Variants in ERC2 observed in about 807,000 individuals in gnomAD.
The protein encoded by ERC2 is ELKS/RAB6-interacting/CAST family member 2.
A neutral mutation model predicts 114.8 loss-of-function variants in ERC2; 42 were observed. The ratio of observed to expected loss-of-function variants is 0.37; its 90% CI spans 0.29 to 0.47. The LOEUF (loss-of-function observed/expected upper bound fraction) is 0.47. ERC2 is among the 20% of genes least tolerant of loss of function. ERC2 has a pLI of 0.99. For missense variants in ERC2, 939 were observed against 1,150.7 expected, an observed-to-expected ratio of 0.82 and a Z score of 2.66; for synonymous variants, 454 against 425.5, an observed-to-expected ratio of 1.07 and a Z score of -0.82.
chr3:55,849,416 T>C (rs2149236905), intron 14 of ERC2, among the ~76,000 whole-genome samples: 1 of 152,350 alleles, frequency 6.6e-6, no homozygotes, highest in South Asian at 2.1e-4. Context: ...CTGTGGTTTC[T>C]CTAAGCTTCT....
In ERC2 at chr3:55,509,873, T is replaced by C. The variant is rs2051967729; in HGVS notation, c.*1443A>G. On this transcript the variant is annotated 3_prime_UTR_variant, in exon 18 of 18. Transcript: ENST00000288221. ...AGGCCACTCATGCTTAAATTCACTG[T>C]TTGTCCTTTAAAAATGCAGGTTTTC... 1 of 152,622 alleles carries C rather than the reference T, an allele frequency of 6.6e-6. No individual in the cohort carries two copies. The highest frequency in any genetic ancestry group is 2.1e-4 in the South Asian group (1 of 4,828). 9.5% of individuals were successfully genotyped at this position (152,622 alleles called of 1,614,324 possible).
intron 17 of ERC2, among the ~76,000 whole-genome samples, chr3:55,553,030 T>G (rs1032494024): frequency 8.9e-6 from 1 of 112,010 alleles, no homozygotes; most frequent in African/African-American, 3.5e-5. Context: ...TTTTTTTTTT[T>G]TTTTTTTTTG....
intron 15 of ERC2, among the ~76,000 whole-genome samples, chr3:55,700,653 C>T (rs815444): frequency 0.26 from 39,412 of 151,998 alleles, 5,745 homozygotes; most frequent in Non-Finnish European, 0.34. Context: ...GCCTCCCTAG[C>T]CCCCTTTCTT....
At position 56,416,699 on chromosome 3, in the gene ERC2, T is replaced by C. The variant is rs1262216166; in HGVS notation, c.657+17652A>G. ...AAAAAAAACTCCTGATCTCTCTCTC[T>C]AAACTGAAACTGTTTTACCCTTGGT... On this transcript the variant is annotated intron_variant, in intron 2 of 17. Transcript: ENST00000288221. 8.7e-5 allele frequency among the ~76,000 whole-genome samples: 13 copies of C among 148,778 alleles called. No homozygotes were observed. In the East Asian group the frequency reaches 1.8e-3, roughly 21 times the overall value.
At chr3:56,071,679 T>C (rs75579733) in intron 7 of ERC2, among the ~76,000 whole-genome samples, 1 of 152,200 alleles carries the variant, frequency 6.6e-6, no homozygotes, top group Non-Finnish European at 1.5e-5. Context: ...GTAACTTTCC[T>C]AGCTTTGGTT....
intron 12 of ERC2, among the ~76,000 whole-genome samples, chr3:55,951,510 A>G (rs1018670198): frequency 1.3e-5 from 2 of 152,342 alleles, no homozygotes; most frequent in Non-Finnish European, 2.9e-5. Flanking sequence ...AATGGGAATT[A>G]TAAGCTTAAT....
At chr3:56,147,358 T>C (rs1296516015) in intron 5 of ERC2, among the ~76,000 whole-genome samples, 2 of 152,284 alleles carry the variant, frequency 1.3e-5, no homozygotes, top group Admixed American at 1.3e-4. Flanking sequence ...TCCCCTCATA[T>C]CTCCACTCCT....
At chr3:56,389,864 G>A (rs1560730906) in intron 2 of ERC2, among the ~76,000 whole-genome samples, 2 of 152,256 alleles carry the variant, frequency 1.3e-5, no homozygotes, top group East Asian at 3.9e-4. Context: ...ACTAGGAAGG[G>A]TAGGCCCATC....
intron 2 of ERC2, among the ~76,000 whole-genome samples, chr3:56,420,143 C>T (rs527989104): frequency 4.7e-4 from 70 of 149,470 alleles, no homozygotes; most frequent in South Asian, 4.2e-4. Flanking sequence ...TATGTACTCA[C>T]GAGCCAATCG....
At chr3:55,802,171 A>G (rs2149103535) in intron 14 of ERC2, among the ~76,000 whole-genome samples, 1 of 152,378 alleles carries the variant, frequency 6.6e-6, no homozygotes, top group East Asian at 1.9e-4. Flanking sequence ...AGGTAAATGT[A>G]CTCAATTACA....
intron 6 of ERC2, among the ~76,000 whole-genome samples, chr3:56,102,961 C>A (rs1037287793): frequency 5.9e-5 from 9 of 152,050 alleles, no homozygotes; most frequent in African/African-American, 1.9e-4. Context: ...AGGAAGCAAA[C>A]AATGGTAAAT....
chr3:56,337,628 T>A (rs2150479999), intron 2 of ERC2, among the ~76,000 whole-genome samples: 1 of 152,304 alleles, frequency 6.6e-6, no homozygotes, highest in African/African-American at 2.4e-5. Context: ...GGGGATTAGA[T>A]GAGGTACAGA....
intron 4 of ERC2, among the ~76,000 whole-genome samples, chr3:56,168,764 C>G (rs528924205): frequency 1.1e-4 from 17 of 152,324 alleles, no homozygotes; most frequent in African/African-American, 4.1e-4. Context: ...AGCTGCAGGT[C>G]AGCTCCATGC....
intron 14 of ERC2, among the ~76,000 whole-genome samples, chr3:55,886,334 T>C (rs2063345510): frequency 6.6e-6 from 1 of 151,628 alleles, no homozygotes; most frequent in Middle Eastern, 3.2e-3. Context: ...TGAATTTCAG[T>C]ATTTTTAATC....
intron 17 of ERC2, among the ~76,000 whole-genome samples, chr3:55,643,590 T>C (rs1307627175): frequency 1.3e-5 from 2 of 152,242 alleles, no homozygotes; most frequent in East Asian, 3.9e-4. Flanking sequence ...GAGATAATGA[T>C]AATTCCTACC....
At position 55,706,507 on chromosome 3, in the gene ERC2, C is replaced by T. The variant is rs145422211; in HGVS notation, c.2713-6995G>A. Among the ~76,000 whole-genome samples, 270 of 152,146 alleles carry T rather than the reference C, an allele frequency of 1.8e-3. 1 individual carries two copies. Among genetic ancestry groups the T allele is most frequent in the African/African-American group, 6.1e-3 (253 of 41,490 alleles). ...TACTTCCCGGGTTCAAGTGATTACC[C>T]CACCTCAGCCTCCAGAGTAGCTGGG... On this transcript the variant is annotated intron_variant, in intron 15 of 17. Coordinates refer to ENST00000288221, the MANE Select transcript of ERC2 (RefSeq NM_015576.3).
intron 12 of ERC2, among the ~76,000 whole-genome samples, chr3:55,969,132 A>G (rs1279608284): frequency 1.3e-5 from 2 of 152,154 alleles, no homozygotes; most frequent in Admixed American, 1.3e-4. Flanking sequence ...CCAGCCCTGA[A>G]AGCTAAGTAG....
chr3:55,586,036 C>A (rs192633793), intron 17 of ERC2, among the ~76,000 whole-genome samples: 15 of 152,300 alleles, frequency 9.8e-5, no homozygotes, highest in African/African-American at 3.6e-4. Context: ...GAGAGCAGGG[C>A]TTCCTGGAGA....
chr3:55,529,937 T>G (rs1202416226), intron 17 of ERC2, among the ~76,000 whole-genome samples: 1 of 152,226 alleles, frequency 6.6e-6, no homozygotes, highest in African/African-American at 2.4e-5. Flanking sequence ...TTTTCTTCAC[T>G]GGGCCTCAGT....
Sources: gnomAD v4.1 joint callset for allele counts (sites outside exome capture counted in the v4.1 genomes callset) on GRCh38, gnomAD v4.1.1 for gene constraint, MANE v1.5 for transcripts, NCBI Gene and HGNC (gene_info 2026-07-23, HGNC 2026-07-21) for gene names.